Variants in LCORL observed in about 807,000 individuals in gnomAD.
The protein encoded by LCORL is ligand-dependent nuclear receptor corepressor-like protein.
A neutral mutation model predicts 141.8 loss-of-function variants in LCORL; 41 were observed. The observed-to-expected ratio is 0.29, with a 90% CI of 0.23 to 0.38. The LOEUF (loss-of-function observed/expected upper bound fraction) is 0.38. Ranked by LOEUF, LCORL falls within the 10% of genes least tolerant of loss-of-function variation. The pLI is 1.00. For missense variants in LCORL, 1,759 were observed against 2,035.0 expected (o/e 0.86, Z 2.61); for synonymous variants, 618 against 694.1 (o/e 0.89, Z 1.72).
At chr4:17,930,533 C>T (rs902379519) in intron 4 of LCORL, among the ~76,000 whole-genome samples, 3 of 152,234 alleles carry the variant, frequency 2.0e-5, no homozygotes, top group African/African-American at 7.2e-5. Context: ...TTAAAAAATA[C>T]ATCAATTCCT....
chr4:17,860,921 A>G (rs1409465389), intron 7 of LCORL, among the ~76,000 whole-genome samples: 1 of 152,196 alleles, frequency 6.6e-6, no homozygotes, highest in East Asian at 1.9e-4. Context: ...TCACGTTGAT[A>G]TAATAGGTGG....
chr4:17,992,801 A>G (rs997421403), intron 1 of LCORL, among the ~76,000 whole-genome samples: 3 of 152,242 alleles, frequency 2.0e-5, no homozygotes, highest in African/African-American at 7.2e-5. Flanking sequence ...AAATCCAAGC[A>G]CCATACTCAT....
chr4:17,892,491 T>C (rs1436531366), intron 5 of LCORL, among the ~76,000 whole-genome samples: 1 of 152,192 alleles, frequency 6.6e-6, no homozygotes, highest in African/African-American at 2.4e-5. Context: ...ATTACAGGCA[T>C]GAACCACCAT....
intron 4 of LCORL, among the ~76,000 whole-genome samples, chr4:17,916,582 G>A (rs556254271): frequency 2.0e-5 from 3 of 151,726 alleles, no homozygotes; most frequent in Admixed American, 1.3e-4. Flanking sequence ...GCAGATATTG[G>A]TGTCATGCTT....
exon 8 of LCORL, chr4:17,845,114 A>G (rs1182197139): frequency 6.6e-6 from 1 of 152,516 alleles, no homozygotes; most frequent in Admixed American, 6.5e-5. Flanking sequence ...AACAGTAAAC[A>G]TGCAATTGTG....
intron 1 of LCORL, among the ~76,000 whole-genome samples, chr4:18,020,130 CA>C (rs1290784571): frequency 1.3e-5 from 2 of 152,184 alleles, no homozygotes; most frequent in African/African-American, 2.4e-5. Context: ...CTTTCTCATA[CA>C]TTTTCCTATA....
At chr4:17,941,464 A>G (rs1737949266) in intron 4 of LCORL, among the ~76,000 whole-genome samples, 1 of 152,086 alleles carries the variant, frequency 6.6e-6, no homozygotes, top group South Asian at 2.1e-4. Flanking sequence ...GTCTCAAAAA[A>G]AAAAAAATCA....
At chr4:17,874,721 G>A (rs1318105275) in exon 7 of LCORL, 4 of 1,233,918 alleles carry the variant, frequency 3.2e-6, no homozygotes, top group Non-Finnish European at 3.0e-6. Context: ...CCCACCACCT[G>A]AGCAAAGGGT....
At chr4:17,849,880 A>G (rs1463675447) in intron 7 of LCORL, among the ~76,000 whole-genome samples, 1 of 151,998 alleles carries the variant, frequency 6.6e-6, no homozygotes, top group African/African-American at 2.4e-5. Context: ...ACTTCAAATT[A>G]TACTGCAAGG....
intron 7 of LCORL, among the ~76,000 whole-genome samples, chr4:17,868,163 G>C (rs1725907708): frequency 6.6e-6 from 1 of 152,152 alleles, no homozygotes; most frequent in Admixed American, 6.5e-5. Context: ...TGTATGGTTA[G>C]TCTTGGTTTC....
intron 7 of LCORL, among the ~76,000 whole-genome samples, chr4:17,859,624 T>G (rs1398087485): frequency 6.6e-6 from 1 of 152,140 alleles, no homozygotes; most frequent in Non-Finnish European, 1.5e-5. Flanking sequence ...TTTCCTATTT[T>G]AAAAATCTCT....
At chr4:17,950,825 T>C (rs571449874) in intron 4 of LCORL, among the ~76,000 whole-genome samples, 3 of 151,722 alleles carry the variant, frequency 2.0e-5, no homozygotes, top group African/African-American at 7.2e-5. Context: ...ACCACACAAA[T>C]AAAATGTTTG....
In LCORL at chr4:17,845,654, A is replaced by G; in HGVS notation, c.*234T>C. On this transcript the variant is annotated 3_prime_UTR_variant, in exon 8 of 8. Coordinates refer to ENST00000635767, the Ensembl canonical transcript of LCORL. ...ACTAGAAATACTTCAAGATCAATTG[A>G]TAAATGCTTATTGTTCAGAAGGAAT... is the stretch of plus-strand genomic sequence containing the variant. 3 of 1,143,634 alleles carry G rather than the reference A, an allele frequency of 2.6e-6. 1 individual carries two copies. In the Admixed American group the frequency reaches 7.4e-5, roughly 28 times the overall value. The allele number at this position is 1,143,634 out of a possible 1,614,324, so 70.8% of individuals were successfully genotyped here.
chr4:17,842,478 T>A (rs1722507888), exon 8 of LCORL: 3 of 925,432 alleles, frequency 3.2e-6, no homozygotes, highest in African/African-American at 1.7e-5. Flanking sequence ...AGAGAATATA[T>A]AACAAGATAG....
intron 6 of LCORL, chr4:17,881,066 T>C: frequency 1.0e-6 from 1 of 980,786 alleles, no homozygotes; most frequent in Non-Finnish European, 1.2e-6. Context: ...TACAATTTAA[T>C]ATAAAATTGT....
chr4:17,843,357 G>C, exon 8 of LCORL: 1 of 1,612,154 alleles, frequency 6.2e-7, no homozygotes, highest in Non-Finnish European at 8.5e-7. Context: ...ACCAAGACGA[G>C]CCAAAACCGC....
In LCORL at chr4:17,865,913, G is replaced by A. The variant is rs115759965; in HGVS notation, c.5602+7475C>T. 2.6e-3 allele frequency among the ~76,000 whole-genome samples: 394 copies of A among 152,252 alleles called. 2 individuals are homozygous for A. Among genetic ancestry groups the A allele is most frequent in the African/African-American group, 8.3e-3 (345 of 41,546 alleles). On this transcript the variant is annotated intron_variant, in intron 7 of 7. Coordinates refer to ENST00000635767, the Ensembl canonical transcript of LCORL. ...CTTCCTTCTTCACAATGCAACCAGG[G>A]AGATCTTCTAGAAAGCAAAATCTGA...
At chr4:17,919,867 T>C (rs924101857) in intron 4 of LCORL, among the ~76,000 whole-genome samples, 2 of 152,214 alleles carry the variant, frequency 1.3e-5, no homozygotes, top group Non-Finnish European at 2.9e-5. Flanking sequence ...TCTTGCCCTA[T>C]ACTCTGGAAG....
intron 4 of LCORL, among the ~76,000 whole-genome samples, chr4:17,927,356 A>G (rs1299303199): frequency 1.3e-5 from 2 of 152,160 alleles, no homozygotes; most frequent in Non-Finnish European, 2.9e-5. Flanking sequence ...CTTTCTCCCT[A>G]TCAGCAATAA....
Sources: allele counts gnomAD v4.1 joint callset (sites outside exome capture counted in the v4.1 genomes callset), GRCh38; gene constraint gnomAD v4.1.1; transcripts MANE v1.5; gene names NCBI Gene and HGNC (gene_info 2026-07-23, HGNC 2026-07-21).